ENTPD5: variants seen among roughly 807,000 people sequenced by gnomAD.
ENTPD5 encodes ectonucleoside triphosphate diphosphohydrolase 5 (inactive), also known as nucleoside diphosphate phosphatase ENTPD5.
ENTPD5 carries 49 observed loss-of-function variants against 60.2 expected under a neutral mutation model. That is an observed-to-expected ratio of 0.81 (90% CI 0.65 to 1.03). The LOEUF (loss-of-function observed/expected upper bound fraction) is 1.03. ENTPD5 is among the 50% of genes least tolerant of loss of function. The pLI is 0.00. For synonymous variants in ENTPD5, 187 were observed against 185.4 expected, an observed-to-expected ratio of 1.01 and a Z score of -0.07; for missense variants, 480 against 507.6, an observed-to-expected ratio of 0.95 and a Z score of 0.52.
intron 3 of ENTPD5, among the ~76,000 whole-genome samples, chr14:74,008,719 A>G (rs1272012455): frequency 6.6e-6 from 1 of 151,994 alleles, no homozygotes; most frequent in African/African-American, 2.4e-5. Flanking sequence ...TTCTTTCTTA[A>G]GACAGGGTCT....
intron 6 of ENTPD5, among the ~76,000 whole-genome samples, chr14:73,980,117 T>A (rs1244926437): frequency 2.2e-4 from 33 of 151,220 alleles, no homozygotes; most frequent in Admixed American, 2.1e-3. Context: ...CAGCTAATTT[T>A]TGTATTTTTA....
In ENTPD5 at chr14:73,963,470, C is replaced by T. The variant is rs1343805840; in HGVS notation, c.*3458G>A. ...ATATAAATTGCTTTAACCTTTGTTA[C>T]AGGTATACTGGACTTTCTGAAAGGA... On this transcript the variant is annotated 3_prime_UTR_variant, in exon 16 of 16. Coordinates refer to ENST00000334696, the MANE Select transcript of ENTPD5 (RefSeq NM_001249.5). 1 of 196,076 alleles carries T rather than the reference C, an allele frequency of 5.1e-6. No homozygotes were observed. The highest frequency in any genetic ancestry group is 1.0e-5 in the Non-Finnish European group (1 of 96,700). The allele number at this position is 196,076 out of a possible 1,614,324, so 12.1% of individuals were successfully genotyped here. A position where few individuals can be genotyped will look rare whatever the true frequency, so the allele number is the denominator to read the frequency against.
chr14:73,967,810 A>G (rs1046664056), intron 15 of ENTPD5, among the ~76,000 whole-genome samples: 5 of 150,748 alleles, frequency 3.3e-5, no homozygotes, highest in African/African-American at 1.2e-4. Context: ...AAAAAAAAAA[A>G]AAAAAAAGAA....
intron 6 of ENTPD5, among the ~76,000 whole-genome samples, chr14:73,981,499 TA>T (rs1026672576): frequency 3.6e-4 from 53 of 145,966 alleles, no homozygotes; most frequent in Non-Finnish European, 5.7e-4. Context: ...AAAATGTATA[TA>T]TATATATATG....
chr14:74,019,149 G>T, intron 1 of ENTPD5, 101 bp downstream of exon 1: 1 of 153,182 alleles, frequency 6.5e-6, no homozygotes, highest in Non-Finnish European at 1.5e-5. Context: ...CCAGGCCGCA[G>T]GACGAAGCGC....
rs937709602 is a variant in ENTPD5 at position 73,963,519 on chromosome 14, T to A, written c.*3409A>T. On this transcript the variant is annotated 3_prime_UTR_variant, in exon 16 of 16. Transcript: ENST00000334696. ...GAAAACCAGGTCTCATTAATGCTAGTTATTACTTTATCACAGCACCAGATT... is the reference window on the plus strand; with the variant it reads ...GAAAACCAGGTCTCATTAATGCTAGATATTACTTTATCACAGCACCAGATT... The A allele has an allele frequency of 3.6e-5, 6 of 167,424 alleles. No individual in the cohort carries two copies. In the South Asian group the frequency reaches 9.3e-4, roughly 26 times the overall value. The allele number at this position is 167,424 out of a possible 1,614,324, so 10.4% of individuals were successfully genotyped here.
downstream of ENTPD5, chr14:73,961,391 A>C: frequency 6.2e-7 from 1 of 1,614,180 alleles, no homozygotes; most frequent in Non-Finnish European, 8.5e-7. Context: ...ACGATAACAG[A>C]GCAGGGCCAC....
intron 3 of ENTPD5, among the ~76,000 whole-genome samples, chr14:74,005,115 G>A (rs1391018642): frequency 1.3e-5 from 2 of 151,512 alleles, no homozygotes; most frequent in Non-Finnish European, 2.9e-5. Flanking sequence ...AAATAAGCCA[G>A]GTTAGCTGGG....
rs138341765 is a variant in ENTPD5 at position 73,971,800 on chromosome 14, G to A, written c.1084+52C>T. ...CTTTAGGTCACTTTAGGTCACTAGA[G>A]TAGGCAGGCAGTCTCACAGGCTTAC... On this transcript the variant is annotated intron_variant, in intron 14 of 15. Coordinates refer to ENST00000334696, the MANE Select transcript of ENTPD5 (RefSeq NM_001249.5). 27 of 1,257,770 alleles carry A rather than the reference G, an allele frequency of 2.1e-5. No individual in the cohort carries two copies. In the East Asian group the frequency reaches 4.2e-4, roughly 19 times the overall value. The allele number at this position is 1,257,770 out of a possible 1,614,324, so 77.9% of individuals were successfully genotyped here.
At chr14:73,962,968 A>C (rs1233341017), downstream of ENTPD5, 14 of 1,606,886 alleles carry the variant, frequency 8.7e-6, no homozygotes, top group Non-Finnish European at 1.0e-5. Context: ...TTTTTTCTCC[A>C]GGAACAGATT....
chr14:73,960,330 T>C (rs1195401584), downstream of ENTPD5: 8 of 986,958 alleles, frequency 8.1e-6, no homozygotes, highest in African/African-American at 1.0e-4. Context: ...CTTTAGTACA[T>C]TGTAGGTGCT....
chr14:74,005,851 C>T (rs1160080831), intron 3 of ENTPD5, among the ~76,000 whole-genome samples: 1 of 152,012 alleles, frequency 6.6e-6, no homozygotes, highest in East Asian at 1.9e-4. Flanking sequence ...ACAAAATGAA[C>T]AACAATGCTG....
intron 3 of ENTPD5, among the ~76,000 whole-genome samples, chr14:74,004,113 A>G (rs906261605): frequency 6.6e-6 from 1 of 152,116 alleles, no homozygotes; most frequent in African/African-American, 2.4e-5. Flanking sequence ...TCAAAAAATA[A>G]ATTAATTAAG....
chr14:73,980,530 C>G (rs1245798985), intron 6 of ENTPD5, among the ~76,000 whole-genome samples: 2 of 152,070 alleles, frequency 1.3e-5, no homozygotes, highest in African/African-American at 4.8e-5. Context: ...TCCCATAGAG[C>G]TGGGATTTTG....
At chr14:74,004,355 A>G (rs1476927647) in intron 3 of ENTPD5, among the ~76,000 whole-genome samples, 1 of 151,894 alleles carries the variant, frequency 6.6e-6, no homozygotes, top group Non-Finnish European at 1.5e-5. Context: ...TCTAGTAGAG[A>G]CGGGGTTTCG....
At chr14:73,958,110 C>G (rs984496422), downstream of ENTPD5, 60 of 1,573,416 alleles carry the variant, frequency 3.8e-5, no homozygotes, top group Middle Eastern at 1.7e-4. Flanking sequence ...TGTGGCCCAC[C>G]TTTCTAATTT....
chr14:73,998,807 G>C (rs1316124198), intron 3 of ENTPD5, among the ~76,000 whole-genome samples: 1 of 152,090 alleles, frequency 6.6e-6, no homozygotes, highest in Non-Finnish European at 1.5e-5. Flanking sequence ...AGGGATGGGG[G>C]CCCCTGAGGA....
At chr14:73,983,274 C>T (rs2057766145) in intron 5 of ENTPD5, 113 bp from the exon 6 acceptor site, 1 of 1,094,990 alleles carries the variant, frequency 9.1e-7, no homozygotes, top group Admixed American at 2.4e-5. Context: ...CATAGGGCTC[C>T]AACCTCTCTC....
rs1258844932 is a variant in ENTPD5 at position 73,966,983 on chromosome 14, C to A, written c.1232G>T (p.Gly411Val). 4 of 1,614,102 alleles carry A rather than the reference C, an allele frequency of 2.5e-6. No individual in the cohort carries two copies. ...LTKKVNNIETGWALGATFHLL... is the reference protein window; with the variant it reads ...LTKKVNNIETVWALGATFHLL... ...GTGAAAGGTGGCCCCCAAGGCCCAG[C>A]CCGTCTCTATGTTGTTCACTTTCTT... Residue 411 changes from glycine to valine, a missense_variant, in exon 16 of 16, where the codon GGC (glycine) becomes GTC (valine). Gly to Val is a moderately radical substitution (Grantham distance 109). Transcript: ENST00000334696.
Sources: gnomAD v4.1 joint callset for allele counts (sites outside exome capture counted in the v4.1 genomes callset) on GRCh38, gnomAD v4.1.1 for gene constraint, MANE v1.5 for transcripts, NCBI Gene and HGNC (gene_info 2026-07-23, HGNC 2026-07-21) for gene names.